The following FOXL1 variants were observed in gnomAD, a reference collection of about 807,000 sequenced individuals.
FOXL1 encodes forkhead box protein L1.
In FOXL1, 2 loss-of-function variants were observed where a neutral mutation model predicts 1.7. The observed-to-expected ratio is 1.21, with a 90% CI of 0.49 to 3.80. The LOEUF (loss-of-function observed/expected upper bound fraction) is 3.80. FOXL1 is among the 30% of genes most tolerant of loss of function. The pLI is 0.07. For synonymous variants in FOXL1, 280 were observed against 229.3 expected (o/e 1.22, Z -2.00); for missense variants, 565 against 495.8 (o/e 1.14, Z -1.32).
chr16:86,582,601 G>A lies in FOXL1; in HGVS notation c.*2840G>A, dbSNP rs990969489. On this transcript the variant is annotated 3_prime_UTR_variant, in exon 1 of 1. Coordinates refer to ENST00000320241, the MANE Select transcript of FOXL1 (RefSeq NM_005250.3). ...GCAGGCACATGTTTGATAACAAAGT[G>A]TGTATACATATGTACACGTTTATAT... 1.4e-4 allele frequency among the ~76,000 whole-genome samples: 22 copies of A among 151,972 alleles called. No homozygotes were observed. The highest frequency in any genetic ancestry group is 5.9e-4 in the Admixed American group (9 of 15,258).
chr16:86,582,528 A>C lies in FOXL1; in HGVS notation c.*2767A>C, dbSNP rs895201075. 6.6e-6 allele frequency among the ~76,000 whole-genome samples: 1 copy of C among 151,512 alleles called. No homozygotes were observed. Among genetic ancestry groups the C allele is most frequent in the African/African-American group, 2.4e-5 (1 of 40,896 alleles). On this transcript the variant is annotated 3_prime_UTR_variant, in exon 1 of 1. Coordinates refer to ENST00000320241, the MANE Select transcript of FOXL1 (RefSeq NM_005250.3). ...CAAGCCCTGATTACACACACACACA[A>C]ACAAATACCCACACACATATGAGTG...
Position 86,580,783 on chromosome 16 carries a change from A to C in FOXL1, c.*1022A>C, listed in dbSNP as rs909596056. On this transcript the variant is annotated 3_prime_UTR_variant, in exon 1 of 1. Coordinates refer to ENST00000320241, the MANE Select transcript of FOXL1 (RefSeq NM_005250.3). ...GCTTGGTGGTCGCTATATTTTTCAG[A>C]AACAGATAATGAAAGACTACATTTA... is the stretch of plus-strand genomic sequence containing the variant. The C allele has an allele frequency of 2.4e-5, 4 of 167,078 alleles. No homozygotes were observed. Among genetic ancestry groups the C allele is most frequent in the African/African-American group, 9.7e-5 (4 of 41,450 alleles). The allele number at this position is 167,078 out of a possible 1,614,324, so 10.3% of individuals were successfully genotyped here. A position where few individuals can be genotyped will look rare whatever the true frequency, so the allele number is the denominator to read the frequency against.
In FOXL1 at chr16:86,579,694, A is replaced by G. The variant is rs1974388138; in HGVS notation, c.971A>G (p.Gln324Arg). Residue 324 changes from glutamine (Q) to arginine (R), a missense_variant, in exon 1 of 1, where the codon CAG (glutamine) becomes CGG (arginine). Physicochemically the swap from Gln to Arg is conservative, Grantham distance 43 (BLOSUM62 1). Transcript: ENST00000320241. ...CCGCATGTCCAGGGCGGCTTTTACCAGCTCGGGATCCCCTTCCTCTCTTAT... is the reference window on the plus strand; with the variant it reads ...CCGCATGTCCAGGGCGGCTTTTACCGGCTCGGGATCCCCTTCCTCTCTTAT... ...LDPHVQGGFY[Q>R]LGIPFLSYFP... 3 of 1,613,856 alleles carry G rather than the reference A, an allele frequency of 1.9e-6. No homozygotes were observed. The highest frequency in any genetic ancestry group is 2.5e-6 in the Non-Finnish European group (3 of 1,179,988).
chr16:86,579,604 G>A lies in FOXL1; in HGVS notation c.881G>A (p.Gly294Asp). Reference sequence around the variant, plus strand: ...AAGCCTGGGCCCGGCGGCCGTCTGGGTGCCTCGCTCCTGGCCGCCTCCTCC... The same window carrying A: ...AAGCCTGGGCCCGGCGGCCGTCTGGATGCCTCGCTCCTGGCCGCCTCCTCC... ...GAKPGPGGRL[G>D]ASLLAASSSL... Residue 294 changes from glycine (G) to aspartate (D), a missense_variant, in exon 1 of 1, where the codon GGT becomes GAT. Physicochemically the swap from Gly to Asp is moderately conservative, Grantham distance 94. Transcript: ENST00000320241. The A allele has an allele frequency of 2.5e-6, 4 of 1,613,180 alleles. No homozygotes were observed. Among genetic ancestry groups the A allele is most frequent in the Non-Finnish European group, 2.5e-6 (3 of 1,179,910 alleles).
chr16:86,579,221 G>C lies in FOXL1; in HGVS notation c.498G>C (p.Ala166=). The C allele has an allele frequency of 6.5e-7, 1 of 1,550,004 alleles. No homozygotes were observed. The highest frequency in any genetic ancestry group is 8.7e-7 in the Non-Finnish European group (1 of 1,150,042). The change falls in exon 1 of 1, where the codon GCG becomes GCC. Residue 166 remains alanine (A), a synonymous_variant. Coordinates refer to ENST00000320241, the MANE Select transcript of FOXL1 (RefSeq NM_005250.3). ...GCGCCGAGACGCACCAGCGCAGCGC[G>C]GAGGCGCAGCCGGAGGCGGGGAGCG... ...RPRAETHQRS[A]EAQPEAGSGA...
Position 86,581,289 on chromosome 16 carries a change from T to C in FOXL1, c.*1528T>C, listed in dbSNP as rs1597407050. On this transcript the variant is annotated 3_prime_UTR_variant, in exon 1 of 1. Coordinates refer to ENST00000320241, the MANE Select transcript of FOXL1 (RefSeq NM_005250.3). ...ACAAGTAGTCACGCACTATTGGAAATAGGTTGGGAGGGAGGTCTTTAAGAT... is the reference window on the plus strand; with the variant it reads ...ACAAGTAGTCACGCACTATTGGAAACAGGTTGGGAGGGAGGTCTTTAAGAT... 1 of 167,140 alleles carries C rather than the reference T, an allele frequency of 6.0e-6. No homozygotes were observed. Among genetic ancestry groups the C allele is most frequent in the East Asian group, 1.9e-4 (1 of 5,190 alleles). 10.4% of individuals were successfully genotyped at this position (167,140 alleles called of 1,614,324 possible). A position where few individuals can be genotyped will look rare whatever the true frequency, so the allele number is the denominator to read the frequency against.
chr16:86,578,900 C>T lies in FOXL1; in HGVS notation c.177C>T (p.Ala59=). 6.2e-7 allele frequency: 1 copy of T among 1,614,174 alleles called. No individual in the cohort carries two copies. The highest frequency in any genetic ancestry group is 1.3e-5 in the African/African-American group (1 of 75,066). Residue 59 remains alanine, a synonymous_variant, in exon 1 of 1, where the codon GCC becomes GCT. Transcript: ENST00000320241. ...CCTACAGCTACATCGCGCTCATCGC[C>T]ATGGCGATCCAGGACGCGCCCGAGC... is the stretch of plus-strand genomic sequence containing the variant. ...KPPYSYIALI[A]MAIQDAPEQR...
At position 86,582,231 on chromosome 16, in the gene FOXL1, A is replaced by T. The variant is rs1974422590; in HGVS notation, c.*2470A>T. On this transcript the variant is annotated 3_prime_UTR_variant, in exon 1 of 1. Coordinates refer to ENST00000320241, the MANE Select transcript of FOXL1 (RefSeq NM_005250.3). ...GTTTTTATGTAATCTATATAATTGC[A>T]TGTGTATTCCTTCCTCCTGAACCAA... The T allele has an allele frequency of 6.6e-6, 1 of 152,234 alleles. No individual in the cohort carries two copies. Among genetic ancestry groups the T allele is most frequent in the African/African-American group, 2.4e-5 (1 of 41,466 alleles). The allele number at this position is 152,234 out of a possible 1,614,324, so 9.4% of individuals were successfully genotyped here.
rs1416339709 is a variant in FOXL1 at position 86,583,201 on chromosome 16, G to C, written c.*3440G>C. On this transcript the variant is annotated 3_prime_UTR_variant, in exon 1 of 1. Transcript: ENST00000320241. ...TGCCCGTGTGTATGTTAAAGAATTA[G>C]CCACATATAATTATTGTTACAGCTG... Among the ~76,000 whole-genome samples, 3 of 151,682 alleles carry C rather than the reference G, an allele frequency of 2.0e-5. No individual in the cohort carries two copies. Among genetic ancestry groups the C allele is most frequent in the African/African-American group, 7.3e-5 (3 of 41,234 alleles).
Position 86,582,520 on chromosome 16 carries a change from C to T in FOXL1, c.*2759C>T, listed in dbSNP as rs1187169139. Among the ~76,000 whole-genome samples, 3 of 152,144 alleles carry T rather than the reference C, an allele frequency of 2.0e-5. No individual in the cohort carries two copies. The highest frequency in any genetic ancestry group is 2.9e-5 in the Non-Finnish European group (2 of 68,030). ...CTTTGGTTCAAGCCCTGATTACACA[C>T]ACACACAAACAAATACCCACACACA... is the stretch of plus-strand genomic sequence containing the variant. On this transcript the variant is annotated 3_prime_UTR_variant, in exon 1 of 1. Coordinates refer to ENST00000320241, the MANE Select transcript of FOXL1 (RefSeq NM_005250.3).
chr16:86,579,734 T>C lies in FOXL1; in HGVS notation c.1011T>C (p.Val337=). 6.2e-7 allele frequency: 1 copy of C among 1,613,454 alleles called. No individual in the cohort carries two copies. Among genetic ancestry groups the C allele is most frequent in the Admixed American group, 1.7e-5 (1 of 60,030 alleles). ...TCCTCTCTTATTTCCCCCTGCAGGT[T>C]CCCGACACGGTACTCCACTTCCAGT... ...IPFLSYFPLQ[V]PDTVLHFQ Residue 337 remains valine, a synonymous_variant, in exon 1 of 1, where the codon GTT becomes GTC. Transcript: ENST00000320241.
In FOXL1 at chr16:86,578,802, G is replaced by A; in HGVS notation, c.79G>A (p.Gly27Ser). The change falls in exon 1 of 1, where the codon GGC becomes AGC. Residue 27 changes from glycine to serine, a missense_variant. Gly to Ser is a moderately conservative substitution (Grantham distance 56). Transcript: ENST00000320241. ...GTATCTGTACGGTCCCGAGAGACCCGGCCTCCCTCTGGCCTTCGCCCCCGC... is the reference window on the plus strand; with the variant it reads ...GTATCTGTACGGTCCCGAGAGACCCAGCCTCCCTCTGGCCTTCGCCCCCGC... ...MLYLYGPERPGLPLAFAPAAA... is the reference protein window; with the variant it reads ...MLYLYGPERPSLPLAFAPAAA... 1 of 1,613,470 alleles carries A rather than the reference G, an allele frequency of 6.2e-7. No homozygotes were observed.
rs1345314169 is a variant in FOXL1 at position 86,579,158 on chromosome 16, C to G, written c.435C>G (p.Pro145=). The G allele has an allele frequency of 1.9e-6, 3 of 1,611,012 alleles. No individual in the cohort carries two copies. Among genetic ancestry groups the G allele is most frequent in the Non-Finnish European group, 2.5e-6 (3 of 1,179,140 alleles). ...ACTACCGGCGCCGGAAGAGGAAGCC[C>G]AAGCCGGGCCCCGGGGCCCCGGAGG... The part of the protein sequence containing the change: ...NGNYRRRKRK[P]KPGPGAPEAK... The change falls in exon 1 of 1, where the codon CCC becomes CCG. Residue 145 remains proline, a synonymous_variant. Transcript: ENST00000320241.
In FOXL1 at chr16:86,579,623, C is replaced by T. The variant is rs761064407; in HGVS notation, c.900C>T (p.Ala300=). 3.7e-6 allele frequency: 6 copies of T among 1,613,420 alleles called. No individual in the cohort carries two copies. Among genetic ancestry groups the T allele is most frequent in the South Asian group, 2.2e-5 (2 of 91,080 alleles). Residue 300 remains alanine, a synonymous_variant, in exon 1 of 1, where the codon GCC becomes GCT. Coordinates refer to ENST00000320241, the MANE Select transcript of FOXL1 (RefSeq NM_005250.3). ...GTCTGGGTGCCTCGCTCCTGGCCGC[C>T]TCCTCCAGCCTCCGTCCGCCTTTCA... ...GGRLGASLLA[A]SSSLRPPFNA...
Position 86,578,678 on chromosome 16 carries a change from C to CG in FOXL1, c.-43dup. 6.5e-7 allele frequency: 1 copy of CG among 1,532,514 alleles called. No homozygotes were observed. Among genetic ancestry groups the CG allele is most frequent in the Admixed American group, 1.9e-5 (1 of 51,980 alleles). The allele number at this position is 1,532,514 out of a possible 1,614,324, so 94.9% of individuals were successfully genotyped here. A position where few individuals can be genotyped will look rare whatever the true frequency, so the allele number is the denominator to read the frequency against. ...CGCGGGGCGCAGTGCCTAGGCCGCC[C>CG]GGGTCTCCTGCGTTGCGGGGAGCGC... is the stretch of plus-strand genomic sequence containing the variant. On this transcript the variant is annotated 5_prime_UTR_variant, in exon 1 of 1. Coordinates refer to ENST00000320241, the MANE Select transcript of FOXL1 (RefSeq NM_005250.3).
chr16:86,581,215 A>C lies in FOXL1; in HGVS notation c.*1454A>C, dbSNP rs750046315. The C allele has an allele frequency of 1.8e-5, 3 of 167,096 alleles. No homozygotes were observed. Among genetic ancestry groups the C allele is most frequent in the Non-Finnish European group, 1.5e-5 (1 of 68,126 alleles). The allele number at this position is 167,096 out of a possible 1,614,324, so 10.4% of individuals were successfully genotyped here. ...GTAATCTTCGAGGCCCTGAAATGCAATTTTCTGAACCTCTAAGTCACTTTT... is the reference window on the plus strand; with the variant it reads ...GTAATCTTCGAGGCCCTGAAATGCACTTTTCTGAACCTCTAAGTCACTTTT... On this transcript the variant is annotated 3_prime_UTR_variant, in exon 1 of 1. Coordinates refer to ENST00000320241, the MANE Select transcript of FOXL1 (RefSeq NM_005250.3).
chr16:86,581,310 A>T lies in FOXL1; in HGVS notation c.*1549A>T, dbSNP rs182741302. The T allele has an allele frequency of 3.6e-5, 6 of 167,250 alleles. No individual in the cohort carries two copies. The East Asian group carries it at 1.2e-3, about 32-fold the overall frequency. The allele number at this position is 167,250 out of a possible 1,614,324, so 10.4% of individuals were successfully genotyped here. A position where few individuals can be genotyped will look rare whatever the true frequency, so the allele number is the denominator to read the frequency against. On this transcript the variant is annotated 3_prime_UTR_variant, in exon 1 of 1. Transcript: ENST00000320241. Reference sequence around the variant, plus strand: ...GAAATAGGTTGGGAGGGAGGTCTTTAAGATCGCTTTTAAAATAGTTTCCAG... The same window carrying T: ...GAAATAGGTTGGGAGGGAGGTCTTTTAGATCGCTTTTAAAATAGTTTCCAG...
rs922264396 is a variant in FOXL1, at chr16:86,583,158, C to G, written c.*3397C>G. ...TTGAATGGTGGTCTTCACCATTTCA[C>G]TCAAAGTGGTGAGTGTATGCCCGTG... On this transcript the variant is annotated 3_prime_UTR_variant, in exon 1 of 1. Transcript: ENST00000320241. Among the ~76,000 whole-genome samples, 2 of 151,706 alleles carry G rather than the reference C, an allele frequency of 1.3e-5. No individual in the cohort carries two copies. The highest frequency in any genetic ancestry group is 3.9e-4 in the East Asian group (2 of 5,186).
rs958332782 is a variant in FOXL1, at chr16:86,582,568, A to T, written c.*2807A>T. 6.6e-6 allele frequency among the ~76,000 whole-genome samples: 1 copy of T among 152,160 alleles called. No homozygotes were observed. Among genetic ancestry groups the T allele is most frequent in the Non-Finnish European group, 1.5e-5 (1 of 68,038 alleles). On this transcript the variant is annotated 3_prime_UTR_variant, in exon 1 of 1. Transcript: ENST00000320241. ...ACATATGAGTGCACTGATCATAATGAGGATATGGCAGGCACATGTTTGATA... is the reference window on the plus strand; with the variant it reads ...ACATATGAGTGCACTGATCATAATGTGGATATGGCAGGCACATGTTTGATA...
Sources: allele counts gnomAD v4.1 joint callset (sites outside exome capture counted in the v4.1 genomes callset), GRCh38; gene constraint gnomAD v4.1.1; transcripts MANE v1.5; gene names NCBI Gene and HGNC (gene_info 2026-07-23, HGNC 2026-07-21).